ABTB3: variants seen among roughly 807,000 people sequenced by gnomAD.
The protein encoded by ABTB3 is ankyrin repeat and BTB domain containing 3, also known as ankyrin repeat- and BTB/POZ domain-containing protein 3.
the ABTB3 span, among the ~76,000 whole-genome samples, chr12:107,467,598 A>C: frequency 6.6e-6 from 1 of 152,016 alleles, no homozygotes; most frequent in Non-Finnish European, 1.5e-5. Flanking sequence ...TGACACATGT[A>C]TGTGCATGCA....
At chr12:107,646,402 A>T in the ABTB3 span, among the ~76,000 whole-genome samples, 2 of 151,970 alleles carry the variant, frequency 1.3e-5, no homozygotes, top group Non-Finnish European at 2.9e-5. Context: ...TGCTTTATAA[A>T]TGTTCAGGGC....
the ABTB3 span, among the ~76,000 whole-genome samples, chr12:107,559,663 A>G: frequency 6.6e-6 from 1 of 152,200 alleles, no homozygotes; most frequent in Admixed American, 6.5e-5. Context: ...AAATTTGGTC[A>G]TTTGCCCAGT....
the ABTB3 span, among the ~76,000 whole-genome samples, chr12:107,472,103 T>C: frequency 5.9e-5 from 9 of 152,170 alleles, no homozygotes; most frequent in African/African-American, 2.2e-4. Flanking sequence ...TGAGGGGCTC[T>C]TGTACATGTC....
chr12:107,581,027 CG>C, the ABTB3 span: 6 of 1,550,806 alleles, frequency 3.9e-6, no homozygotes, highest in Non-Finnish European at 5.2e-6. Context: ...CCAGGGAAAG[CG>C]GGGTGTGGGC....
the ABTB3 span, among the ~76,000 whole-genome samples, chr12:107,529,528 A>G: frequency 2.0e-5 from 3 of 152,234 alleles, no homozygotes; most frequent in African/African-American, 7.2e-5. Context: ...ATTCTTATTA[A>G]GTGCTTACAA....
At chr12:107,485,111 T>A in the ABTB3 span, among the ~76,000 whole-genome samples, 1 of 152,132 alleles carries the variant, frequency 6.6e-6, no homozygotes, top group East Asian at 1.9e-4. Context: ...ATTTTAGAGA[T>A]GAAGAAACTG....
At chr12:107,612,783 A>C in the ABTB3 span, 2 of 1,612,966 alleles carry the variant, frequency 1.2e-6, no homozygotes, top group Non-Finnish European at 1.7e-6. Flanking sequence ...ACCACAGGGC[A>C]TGACTCCCCT....
chr12:107,627,420 G>C, the ABTB3 span, among the ~76,000 whole-genome samples: 3 of 152,208 alleles, frequency 2.0e-5, no homozygotes, highest in East Asian at 5.8e-4. Context: ...CTGGGAAGCA[G>C]GTAGTTGTAT....
At chr12:107,505,473 A>G in the ABTB3 span, among the ~76,000 whole-genome samples, 4 of 152,108 alleles carry the variant, frequency 2.6e-5, no homozygotes, top group African/African-American at 9.7e-5. Context: ...ATTATTTTAA[A>G]TCAGTGAGGA....
chr12:107,318,821 A>T, the ABTB3 span: 2 of 1,113,342 alleles, frequency 1.8e-6, no homozygotes, highest in Non-Finnish European at 1.3e-6. Context: ...AGCAGCGGCT[A>T]GTGGAAAAGT....
At chr12:107,319,934 C>A in the ABTB3 span, 1 of 1,524,248 alleles carries the variant, frequency 6.6e-7, no homozygotes. Flanking sequence ...CGCCGCCAAC[C>A]ACCACCATCA....
chr12:107,619,028 C>T, the ABTB3 span, among the ~76,000 whole-genome samples: 2 of 152,190 alleles, frequency 1.3e-5, no homozygotes, highest in Admixed American at 1.3e-4. Flanking sequence ...GTGGCTTTCG[C>T]TCTGCCATGG....
chr12:107,604,283 C>T, the ABTB3 span, among the ~76,000 whole-genome samples: 2 of 152,014 alleles, frequency 1.3e-5, no homozygotes, highest in African/African-American at 4.8e-5. Context: ...TCTGTCCCTA[C>T]TAAAAATACA....
At chr12:107,478,862 C>A in the ABTB3 span, among the ~76,000 whole-genome samples, 236 of 152,136 alleles carry the variant, frequency 1.6e-3, 2 homozygotes, top group African/African-American at 5.3e-3. Flanking sequence ...CCCTCAGTCC[C>A]CATTAGCTTC....
the ABTB3 span, among the ~76,000 whole-genome samples, chr12:107,534,287 T>C: frequency 6.6e-6 from 1 of 151,170 alleles, no homozygotes; most frequent in Non-Finnish European, 1.5e-5. Flanking sequence ...ATCTATAGTA[T>C]ACACAAAAGC....
the ABTB3 span, among the ~76,000 whole-genome samples, chr12:107,473,405 G>A: frequency 6.6e-6 from 1 of 152,042 alleles, no homozygotes; most frequent in Non-Finnish European, 1.5e-5. Context: ...TCAGGCTGGA[G>A]TGCAGTGGCA....
chr12:107,403,466 C>T, the ABTB3 span, among the ~76,000 whole-genome samples: 10 of 152,286 alleles, frequency 6.6e-5, no homozygotes, highest in South Asian at 8.3e-4. Context: ...GGAGTGCCTT[C>T]ACCACTCCTG....
the ABTB3 span, among the ~76,000 whole-genome samples, chr12:107,587,000 A>T: frequency 1.3e-5 from 2 of 152,282 alleles, no homozygotes; most frequent in Non-Finnish European, 1.5e-5. Flanking sequence ...GCATTAGAGA[A>T]ATAAGTCCAC....
chr12:107,602,912 T>A, the ABTB3 span, among the ~76,000 whole-genome samples: 1 of 152,178 alleles, frequency 6.6e-6, no homozygotes, highest in African/African-American at 2.4e-5. Flanking sequence ...TGGAAGATAT[T>A]GAGCCTATCT....
Sources: allele counts gnomAD v4.1 joint callset (sites outside exome capture counted in the v4.1 genomes callset), GRCh38; gene constraint gnomAD v4.1.1; transcripts MANE v1.5; gene names NCBI Gene and HGNC (gene_info 2026-07-23, HGNC 2026-07-21).